CASZ1: variants seen among roughly 807,000 people sequenced by gnomAD.
The protein encoded by CASZ1 is castor zinc finger 1, also known as zinc finger protein castor homolog 1.
In CASZ1, 28 loss-of-function variants were observed where a neutral mutation model predicts 135.2. That is an observed-to-expected ratio of 0.21 (90% confidence interval 0.15 to 0.28). CASZ1 has a LOEUF of 0.28. Ranked by LOEUF, CASZ1 falls within the 10% of genes least tolerant of loss-of-function variation. CASZ1 has a pLI of 1.00. For synonymous variants in CASZ1, 1,068 were observed against 1,073.4 expected (o/e 0.99, Z 0.10); for missense variants, 2,161 against 2,453.3 (o/e 0.88, Z 2.52).
Position 10,642,791 on chromosome 1 carries a change from T to C in CASZ1, c.4162+68A>G, listed in dbSNP as rs1344433205. The C allele has an allele frequency of 3.9e-6, 6 of 1,553,706 alleles. No homozygotes were observed. In the African/African-American group the frequency reaches 4.1e-5, roughly 11 times the overall value. On this transcript the variant is annotated intron_variant, in intron 20 of 20. Transcript: ENST00000377022. ...GTGCCCCGGACCTTCTGTCCCAAGC[T>C]GCACCCAGCGGTGCTGGGCTTTGGG...
intron 1 of CASZ1, among the ~76,000 whole-genome samples, chr1:10,781,636 T>C (rs1028584272): frequency 6.6e-6 from 1 of 152,216 alleles, no homozygotes; most frequent in Non-Finnish European, 1.5e-5. Flanking sequence ...CAGCCTGGCC[T>C]TGGGGGTCTC....
rs569471198 is a variant in CASZ1 at position 10,649,015 on chromosome 1, A to G, written c.3158+55T>C. On this transcript the variant is annotated intron_variant, in intron 15 of 20. Coordinates refer to ENST00000377022, the MANE Select transcript of CASZ1 (RefSeq NM_001079843.3). ...CCAGCCTGAGCCCCACCCACCCCAGAGCCAGGCTGGGATCCGTGGGGCTCT... is the reference window on the plus strand; with the variant it reads ...CCAGCCTGAGCCCCACCCACCCCAGGGCCAGGCTGGGATCCGTGGGGCTCT... 195 of 1,593,772 alleles carry G rather than the reference A, an allele frequency of 1.2e-4. No individual in the cohort carries two copies. In the African/African-American group the frequency reaches 2.1e-3, roughly 18 times the overall value.
chr1:10,724,118 C>A lies in CASZ1; in HGVS notation c.-76-18574G>T, dbSNP rs1639553553. Among the ~76,000 whole-genome samples the A allele has an allele frequency of 6.6e-6, 1 of 152,144 alleles. No homozygotes were observed. The stretch of plus-strand genomic sequence containing the variant: ...TTTGGGAGAAGGTGGAAGAGTCCTC[C>A]CCATCTTTGCCAAAAGAGGTGTCAG... On this transcript the variant is annotated intron_variant, in intron 2 of 20. Coordinates refer to ENST00000377022, the MANE Select transcript of CASZ1 (RefSeq NM_001079843.3). The surrounding 1 kb of genome is among the most constrained non-coding windows in gnomAD (Gnocchi z 4.1).
In CASZ1 at chr1:10,676,847, G is replaced by A. The variant is rs995219784; in HGVS notation, c.17-11276C>T. Among the ~76,000 whole-genome samples, 1 of 152,182 alleles carries A rather than the reference G, an allele frequency of 6.6e-6. No individual in the cohort carries two copies. Among genetic ancestry groups the A allele is most frequent in the South Asian group, 2.1e-4 (1 of 4,828 alleles). ...GACTCTCTCTAACATCCTGTCTCCC[G>A]GGATCTAGGTCCTGGCAGCTGGCGG... is the stretch of plus-strand genomic sequence containing the variant. On this transcript the variant is annotated intron_variant, in intron 4 of 20. Coordinates refer to ENST00000377022, the MANE Select transcript of CASZ1 (RefSeq NM_001079843.3). This position sits in a 1 kb window ranked among gnomAD's most constrained non-coding sequence, Gnocchi z 4.5.
intron 2 of CASZ1, among the ~76,000 whole-genome samples, chr1:10,728,549 C>T (rs1639637450): frequency 6.6e-6 from 1 of 152,164 alleles, no homozygotes. Flanking sequence ...TGTCTACTGG[C>T]CTCTTGCTCT....
intron 1 of CASZ1, among the ~76,000 whole-genome samples, chr1:10,773,623 A>G (rs945287940): frequency 1.3e-5 from 2 of 152,110 alleles, no homozygotes; most frequent in Admixed American, 6.5e-5. Flanking sequence ...CTAGCTTCTC[A>G]GCATACTTGG....
Position 10,638,687 on chromosome 1 carries a change from T to C in CASZ1, c.*255A>G, listed in dbSNP as rs1642079182. On this transcript the variant is annotated 3_prime_UTR_variant, in exon 21 of 21. Transcript: ENST00000377022. The surrounding 1 kb of genome is among the most constrained non-coding windows in gnomAD (Gnocchi z 5.9). Reference sequence around the variant, plus strand: ...CGCATTCGCCCGGGACCCCTGCTCCTAGGTTCCCTACCCCGGGACAAGAGC... The same window carrying C: ...CGCATTCGCCCGGGACCCCTGCTCCCAGGTTCCCTACCCCGGGACAAGAGC... The C allele has an allele frequency of 1.1e-5, 2 of 177,732 alleles. No individual in the cohort carries two copies. Among genetic ancestry groups the C allele is most frequent in the South Asian group, 1.9e-4 (1 of 5,308 alleles). 11.0% of individuals were successfully genotyped at this position (177,732 alleles called of 1,614,324 possible).
chr1:10,773,984 G>A (rs950800575), intron 1 of CASZ1, among the ~76,000 whole-genome samples: 1 of 152,194 alleles, frequency 6.6e-6, no homozygotes, highest in African/African-American at 2.4e-5. Context: ...TGAAGGTCCT[G>A]GCAGCTCCCT....
rs1346210631 is a variant in CASZ1, at chr1:10,636,931, C to T, written c.*2011G>A. On this transcript the variant is annotated 3_prime_UTR_variant, in exon 21 of 21. Transcript: ENST00000377022. ...ATATTATTTGATATTTATATATATA[C>T]ACATACATAGTTATAAAACATTAAA... is the stretch of plus-strand genomic sequence containing the variant. 6.6e-6 allele frequency: 1 copy of T among 151,914 alleles called. No individual in the cohort carries two copies. The highest frequency in any genetic ancestry group is 1.5e-5 in the Non-Finnish European group (1 of 67,958). The allele number at this position is 151,914 out of a possible 1,614,324, so 9.4% of individuals were successfully genotyped here.
intron 1 of CASZ1, among the ~76,000 whole-genome samples, chr1:10,763,449 C>T (rs1049357162): frequency 3.9e-5 from 6 of 152,116 alleles, no homozygotes; most frequent in Admixed American, 1.3e-4. Flanking sequence ...TTGCAGGCTG[C>T]GCGGAGGATG....
intron 15 of CASZ1, 116 bp downstream of exon 15, chr1:10,648,954 C>T (rs1259545196): frequency 2.9e-6 from 4 of 1,388,580 alleles, no homozygotes; most frequent in African/African-American, 1.4e-5. Context: ...TCCGAGAAGC[C>T]GGCTCAGCTT....
rs1639869677 is a variant in CASZ1 at position 10,739,373 on chromosome 1, G to A, written c.-77+21328C>T. ...ACCCTCCCAGGGGCCCGGGCCCAGG[G>A]TGGCCACGGTGAGGAGGAGGAGGAC... On this transcript the variant is annotated intron_variant, in intron 2 of 20. Coordinates refer to ENST00000377022, the MANE Select transcript of CASZ1 (RefSeq NM_001079843.3). This position sits in a 1 kb window ranked among gnomAD's most constrained non-coding sequence, Gnocchi z 4.8. Among the ~76,000 whole-genome samples the A allele has an allele frequency of 6.6e-6, 1 of 152,118 alleles. No homozygotes were observed. The highest frequency in any genetic ancestry group is 6.5e-5 in the Admixed American group (1 of 15,280).
chr1:10,668,245 G>GC (rs1291594551), intron 4 of CASZ1, among the ~76,000 whole-genome samples: 3 of 152,140 alleles, frequency 2.0e-5, no homozygotes, highest in Admixed American at 1.3e-4. Flanking sequence ...TAGACGATCC[G>GC]CCCCCCACCC....
At chr1:10,763,816 T>G (rs6540949) in intron 1 of CASZ1, among the ~76,000 whole-genome samples, 1 of 152,074 alleles carries the variant, frequency 6.6e-6, no homozygotes, top group Non-Finnish European at 1.5e-5. Context: ...TCAGATGAGC[T>G]CCGTGCAGCT....
At chr1:10,669,310 C>T (rs886701869) in intron 4 of CASZ1, among the ~76,000 whole-genome samples, 4 of 152,204 alleles carry the variant, frequency 2.6e-5, no homozygotes, top group East Asian at 1.9e-4. Context: ...GGCCTCTCTG[C>T]GGGGACTCCT....
chr1:10,744,228 A>G (rs1035049595), intron 2 of CASZ1, among the ~76,000 whole-genome samples: 28 of 143,156 alleles, frequency 2.0e-4, no homozygotes, highest in Admixed American at 1.3e-3. Context: ...TCCAGAATTC[A>G]GTTTCTAGGA....
At chr1:10,751,647 G>T (rs1437441660) in intron 2 of CASZ1, among the ~76,000 whole-genome samples, 1 of 152,230 alleles carries the variant, frequency 6.6e-6, no homozygotes, top group Non-Finnish European at 1.5e-5. Flanking sequence ...CCACCGGGCA[G>T]GCTGGGGAAG....
intron 2 of CASZ1, among the ~76,000 whole-genome samples, chr1:10,748,308 T>G (rs1159014058): frequency 6.6e-6 from 1 of 152,158 alleles, no homozygotes; most frequent in Admixed American, 6.5e-5. Context: ...CCGAGCCCTG[T>G]GTATATACCG....
chr1:10,669,933 C>T (rs928513957), intron 4 of CASZ1, among the ~76,000 whole-genome samples: 2 of 152,198 alleles, frequency 1.3e-5, no homozygotes, highest in African/African-American at 4.8e-5. Context: ...GTTCTCCCTG[C>T]GCGTCCCTTC....
Sources: allele counts gnomAD v4.1 joint callset (sites outside exome capture counted in the v4.1 genomes callset), GRCh38; gene constraint gnomAD v4.1.1; non-coding constraint Gnocchi (gnomAD v3.1); transcripts MANE v1.5; gene names NCBI Gene and HGNC (gene_info 2026-07-23, HGNC 2026-07-21).